EHBP1: variants seen among roughly 807,000 people sequenced by gnomAD.
EHBP1 encodes the protein EH domain-binding protein 1.
Under a neutral mutation model 144.0 loss-of-function variants are expected in EHBP1, and 55 were observed. The observed-to-expected ratio is 0.38, with a 90% confidence interval of 0.31 to 0.48. EHBP1 has a LOEUF of 0.48. EHBP1 is among the 20% of genes least tolerant of loss of function. The pLI is 0.98. For missense variants in EHBP1, 1,200 were observed against 1,364.2 expected (o/e 0.88, Z 1.90); for synonymous variants, 469 against 472.7 (o/e 0.99, Z 0.10).
At chr2:62,709,938 T>C (rs1035570503) in intron 2 of EHBP1, among the ~76,000 whole-genome samples, 2 of 152,110 alleles carry the variant, frequency 1.3e-5, no homozygotes, top group Non-Finnish European at 2.9e-5. Flanking sequence ...TCATCATCAT[T>C]CCTTGATTGC....
Position 62,990,778 on chromosome 2 carries a change from G to A in EHBP1, c.2671G>A (p.Ala891Thr). The A allele has an allele frequency of 2.5e-6, 4 of 1,613,844 alleles. No individual in the cohort carries two copies. The highest frequency in any genetic ancestry group is 3.4e-6 in the Non-Finnish European group (4 of 1,179,850). The change falls in exon 16 of 23, where the codon GCA (alanine) becomes ACA (threonine). Residue 891 changes from alanine to threonine, a missense_variant. By Grantham distance (58) the Ala-to-Thr change is moderately conservative (BLOSUM62 0). Coordinates refer to ENST00000431489, the MANE Select transcript of EHBP1 (RefSeq NM_001142616.3). ...GCTCCTAGAAGTTCAGCCACAGGTG[G>A]CAAATTCACCCTCCAGTGCTGCCCA... ...KKLLEVQPQV[A>T]NSPSSAAQKA...
intron 15 of EHBP1, chr2:62,987,901 T>C (rs778381224): frequency 3.3e-5 from 39 of 1,175,688 alleles, no homozygotes; most frequent in Non-Finnish European, 4.8e-5. Flanking sequence ...ATAAATAATA[T>C]ACTAACATTA....
At chr2:62,778,688 A>G (rs551422986) in intron 5 of EHBP1, among the ~76,000 whole-genome samples, 27 of 152,360 alleles carry the variant, frequency 1.8e-4, no homozygotes, top group African/African-American at 6.0e-4. Context: ...TAATAGCTCA[A>G]ATAATACAAT....
chr2:62,977,956 A>C (rs983787879), intron 14 of EHBP1, among the ~76,000 whole-genome samples: 4 of 152,120 alleles, frequency 2.6e-5, no homozygotes, highest in African/African-American at 7.2e-5. Flanking sequence ...GCTCATTCCA[A>C]GAAAAAGAAA....
intron 21 of EHBP1, among the ~76,000 whole-genome samples, chr2:63,040,786 T>C (rs945256646): frequency 6.6e-6 from 1 of 152,162 alleles, no homozygotes; most frequent in African/African-American, 2.4e-5. Flanking sequence ...GCCTGGGCAG[T>C]ACATGGGCTG....
chr2:62,752,018 T>C (rs1267327260), intron 3 of EHBP1, among the ~76,000 whole-genome samples: 1 of 152,126 alleles, frequency 6.6e-6, no homozygotes, highest in Non-Finnish European at 1.5e-5. Context: ...TTTCTTGCCT[T>C]CTGCTAGCTT....
intron 7 of EHBP1, among the ~76,000 whole-genome samples, chr2:62,853,888 G>A (rs1283588074): frequency 3.3e-5 from 5 of 152,106 alleles, no homozygotes; most frequent in Admixed American, 1.3e-4. Flanking sequence ...ATTTTGGAAG[G>A]CGTCTTTTTT....
At chr2:63,000,656 A>G (rs1347147363) in intron 19 of EHBP1, among the ~76,000 whole-genome samples, 1 of 152,080 alleles carries the variant, frequency 6.6e-6, no homozygotes, top group African/African-American at 2.4e-5. Flanking sequence ...CCAAGATCAC[A>G]CCATTGCACT....
intron 2 of EHBP1, among the ~76,000 whole-genome samples, chr2:62,736,817 T>G (rs1460632639): frequency 2.6e-5 from 4 of 152,248 alleles, no homozygotes; most frequent in African/African-American, 9.6e-5. Flanking sequence ...AGTATTCCAG[T>G]ATCCCTGCCA....
chr2:63,005,250 A>G (rs920361473), intron 19 of EHBP1, among the ~76,000 whole-genome samples: 3 of 152,254 alleles, frequency 2.0e-5, no homozygotes, highest in Non-Finnish European at 2.9e-5. Context: ...CGTTTTGCCC[A>G]TGCTATAAAT....
At chr2:62,863,278 C>T (rs2049740540) in intron 8 of EHBP1, among the ~76,000 whole-genome samples, 1 of 146,684 alleles carries the variant, frequency 6.8e-6, no homozygotes, top group Non-Finnish European at 1.5e-5. Flanking sequence ...GAGTGAGACT[C>T]CGTCACACAC....
At chr2:62,936,030 A>C (rs2056363926) in intron 10 of EHBP1, among the ~76,000 whole-genome samples, 1 of 152,172 alleles carries the variant, frequency 6.6e-6, no homozygotes, top group Non-Finnish European at 1.5e-5. Context: ...TAATAAATTA[A>C]TATTTTCATT....
At chr2:63,036,067 C>T (rs958888444) in intron 19 of EHBP1, among the ~76,000 whole-genome samples, 1 of 152,052 alleles carries the variant, frequency 6.6e-6, no homozygotes, top group Admixed American at 6.6e-5. Context: ...TGGTAAACAA[C>T]AGCTATCTAT....
At chr2:62,966,042 C>T (rs1162523366) in intron 14 of EHBP1, among the ~76,000 whole-genome samples, 1 of 152,140 alleles carries the variant, frequency 6.6e-6, no homozygotes, top group Non-Finnish European at 1.5e-5. Context: ...CAGTGATATT[C>T]ATATACCACA....
intron 4 of EHBP1, among the ~76,000 whole-genome samples, chr2:62,765,444 C>G (rs1297373562): frequency 6.6e-6 from 1 of 151,960 alleles, no homozygotes; most frequent in Non-Finnish European, 1.5e-5. Flanking sequence ...CTTCATTAAT[C>G]CAATATTCTT....
At chr2:63,030,954 C>G (rs189064101) in intron 19 of EHBP1, among the ~76,000 whole-genome samples, 1 of 151,888 alleles carries the variant, frequency 6.6e-6, no homozygotes, top group Admixed American at 6.6e-5. Context: ...CGCCACCACA[C>G]CCAGCTAATT....
At chr2:62,772,426 A>G (rs912389189) in intron 5 of EHBP1, among the ~76,000 whole-genome samples, 3 of 152,218 alleles carry the variant, frequency 2.0e-5, no homozygotes, top group African/African-American at 4.8e-5. Context: ...GTGATTAATA[A>G]TGTAGGCTTG....
intron 19 of EHBP1, among the ~76,000 whole-genome samples, chr2:63,012,735 T>C (rs578022966): frequency 1.3e-5 from 2 of 152,186 alleles, no homozygotes; most frequent in Non-Finnish European, 2.9e-5. Context: ...AATGGTTCTT[T>C]GAGAATGTGC....
chr2:62,823,694 C>G (rs2046148729), intron 5 of EHBP1, among the ~76,000 whole-genome samples: 1 of 152,088 alleles, frequency 6.6e-6, no homozygotes, highest in African/African-American at 2.4e-5. Context: ...CATTACTATT[C>G]TTCTTAAAAT....
Sources: allele counts gnomAD v4.1 joint callset (sites outside exome capture counted in the v4.1 genomes callset), GRCh38; gene constraint gnomAD v4.1.1; transcripts MANE v1.5; gene names NCBI Gene and HGNC (gene_info 2026-07-23, HGNC 2026-07-21).